Variants in TMPRSS4 observed in about 807,000 individuals in gnomAD.
The protein encoded by TMPRSS4 is transmembrane protease serine 4.
In TMPRSS4, 45 loss-of-function variants were observed where a neutral mutation model predicts 56.4. The ratio of observed to expected loss-of-function variants is 0.80; its 90% CI spans 0.63 to 1.02. The LOEUF (loss-of-function observed/expected upper bound fraction) is 1.02. Ranked by LOEUF, TMPRSS4 falls within the 50% of genes least tolerant of loss-of-function variation. The probability of loss-of-function intolerance (pLI) is 0.00; values close to 1 mark genes in which losing one functional copy is unlikely to be tolerated. For synonymous variants in TMPRSS4, 205 were observed against 211.0 expected, an observed-to-expected ratio of 0.97 and a Z score of 0.25; for missense variants, 546 against 556.7, an observed-to-expected ratio of 0.98 and a Z score of 0.19.
intron 11 of TMPRSS4, 127 bp downstream of exon 11, chr11:118,115,407 G>A: frequency 8.4e-7 from 1 of 1,186,480 alleles, no homozygotes; most frequent in Non-Finnish European, 1.2e-6. Flanking sequence ...GTGTGATGAT[G>A]GGAGGAAGAG....
At chr11:118,122,001 C>G (rs1947805567), downstream of TMPRSS4, 1 of 152,046 alleles carries the variant, frequency 6.6e-6, no homozygotes, top group Non-Finnish European at 1.5e-5. Flanking sequence ...AAAGAGTAAT[C>G]ACCAAAAGAA....
Position 118,121,261 on chromosome 11 carries a change from A to G in TMPRSS4, c.*3348A>G, listed in dbSNP as rs1463487781. 6.6e-6 allele frequency: 1 copy of G among 152,248 alleles called. No homozygotes were observed. The highest frequency in any genetic ancestry group is 1.5e-5 in the Non-Finnish European group (1 of 68,044). The allele number at this position is 152,248 out of a possible 1,614,324, so 9.4% of individuals were successfully genotyped here. The stretch of plus-strand genomic sequence containing the variant: ...CTTTAGGAAGAAGGAAAATGATCCT[A>G]AAAGGAAGAACCAAGAAGCAAGTAG... On this transcript the variant is annotated 3_prime_UTR_variant, in exon 13 of 13. Transcript: ENST00000437212.
chr11:118,099,746 C>T (rs1591382205), intron 3 of TMPRSS4, among the ~76,000 whole-genome samples: 3 of 152,154 alleles, frequency 2.0e-5, no homozygotes, highest in African/African-American at 4.8e-5. Context: ...AAGAACAGGG[C>T]GAGTTTCTGC....
chr11:118,114,019 A>G, intron 9 of TMPRSS4, among the ~76,000 whole-genome samples: 1 of 152,236 alleles, frequency 6.6e-6, no homozygotes, highest in East Asian at 1.9e-4. Flanking sequence ...TTCATACTAC[A>G]GCTCCCTTCT....
chr11:118,123,069 T>C (rs1316710735), downstream of TMPRSS4, among the ~76,000 whole-genome samples: 1 of 152,096 alleles, frequency 6.6e-6, no homozygotes, highest in Non-Finnish European at 1.5e-5. Context: ...GAGCAATAAA[T>C]TTCTGTTGTT....
chr11:118,117,460 G>A lies in TMPRSS4; in HGVS notation c.1302+6G>A. On this transcript the variant is annotated splice_donor_region_variant and intron_variant, in intron 12 of 12. Transcript: ENST00000437212. ...GGATCTACAATGTCTGGAAGGTAAG[G>A]TACCTTTGCCCTACCCACTGTGCCT... 6.2e-7 allele frequency: 1 copy of A among 1,610,236 alleles called. No individual in the cohort carries two copies. The highest frequency in any genetic ancestry group is 8.5e-7 in the Non-Finnish European group (1 of 1,177,586).
At chr11:118,077,871 G>C (rs1487688429) in intron 1 of TMPRSS4, among the ~76,000 whole-genome samples, 1 of 152,076 alleles carries the variant, frequency 6.6e-6, no homozygotes, top group African/African-American at 2.4e-5. Context: ...AAATTAGCCA[G>C]GCGTGGTGGC....
intron 4 of TMPRSS4, 113 bp from the exon 5 acceptor site, chr11:118,104,578 T>C: frequency 6.6e-7 from 1 of 1,517,208 alleles, no homozygotes; most frequent in East Asian, 2.3e-5. Flanking sequence ...TGGGGCTCTG[T>C]GGCACCCCCA....
rs1565422076 is a variant in TMPRSS4, at chr11:118,096,840, AAAG to A, written c.43+1989_43+1991del. 6.5e-3 allele frequency among the ~76,000 whole-genome samples: 115 copies of A among 17,770 alleles called. 33 individuals carry two copies. The highest frequency in any genetic ancestry group is 0.062 in the Middle Eastern group (5 of 80). The allele number at this position is 17,770 out of a possible 152,430, so 11.7% of individuals were successfully genotyped here. A position where few individuals can be genotyped will look rare whatever the true frequency, so the allele number is the denominator to read the frequency against. On this transcript the variant is annotated intron_variant, in intron 2 of 12. Transcript: ENST00000437212. ...GAAAGAAAGAGAGAAAGAAAGAAGG[AAAG>A]AAGGAAAGAAAGAAAGAAAGAAAGA...
chr11:118,105,183 G>T (rs935760905), intron 5 of TMPRSS4, among the ~76,000 whole-genome samples: 3 of 152,018 alleles, frequency 2.0e-5, no homozygotes, highest in Admixed American at 2.0e-4. Flanking sequence ...AACTGTTCCT[G>T]CCCAGTAATA....
At chr11:118,087,589 G>A (rs1014585778) in intron 1 of TMPRSS4, 5 of 151,094 alleles carry the variant, frequency 3.3e-5, no homozygotes, top group African/African-American at 1.2e-4. Flanking sequence ...CTCCAGGCTG[G>A]TGGCTTCTCT....
At chr11:118,107,524 T>G in intron 5 of TMPRSS4, 1 of 363,826 alleles carries the variant, frequency 2.7e-6, no homozygotes, top group Non-Finnish European at 5.0e-6. Flanking sequence ...TGGATTTGGA[T>G]TCCCCACCCA....
Position 118,115,046 on chromosome 11 carries a change from C to A in TMPRSS4, c.1010-92C>A, listed in dbSNP as rs1050209635. The A allele has an allele frequency of 3.2e-6, 5 of 1,554,734 alleles. No individual in the cohort carries two copies. In the Admixed American group the frequency reaches 5.8e-5, roughly 18 times the overall value. ...AAACCCATCCTGGAGGACCAAGCAC[C>A]AAGGCGCCAGGCAGAAAGCAAAGTG... On this transcript the variant is annotated intron_variant, in intron 10 of 12. Transcript: ENST00000437212.
chr11:118,107,729 C>T (rs199653420), intron 5 of TMPRSS4, 45 bp from the exon 6 acceptor site: 83 of 1,563,232 alleles, frequency 5.3e-5, no homozygotes, highest in African/African-American at 3.5e-4. Context: ...TTGTTCTAAC[C>T]CCCTGCCCCA....
rs1340113028 is a variant in TMPRSS4, at chr11:118,121,320, T to C, written c.*3407T>C. The C allele has an allele frequency of 6.6e-6, 1 of 150,830 alleles. No individual in the cohort carries two copies. Among genetic ancestry groups the C allele is most frequent in the Non-Finnish European group, 1.5e-5 (1 of 67,848 alleles). 9.3% of individuals were successfully genotyped at this position (150,830 alleles called of 1,614,324 possible). A position where few individuals can be genotyped will look rare whatever the true frequency, so the allele number is the denominator to read the frequency against. ...AGGCAATTGTGAAAATGTAGGTAAGTCTAAACACACTCTGTCTACTTCTTC... is the reference window on the plus strand; with the variant it reads ...AGGCAATTGTGAAAATGTAGGTAAGCCTAAACACACTCTGTCTACTTCTTC... On this transcript the variant is annotated 3_prime_UTR_variant, in exon 13 of 13. Transcript: ENST00000437212.
At chr11:118,115,977 C>T (rs934023986) in intron 11 of TMPRSS4, among the ~76,000 whole-genome samples, 7 of 152,218 alleles carry the variant, frequency 4.6e-5, no homozygotes, top group Admixed American at 1.3e-4. Flanking sequence ...AAAGAATTAC[C>T]GCCTGCAGAA....
At chr11:118,085,215 A>ATCT (rs199860003) in intron 1 of TMPRSS4, among the ~76,000 whole-genome samples, 10,110 of 125,020 alleles carry the variant, frequency 0.081, 497 homozygotes, top group Non-Finnish European at 0.12. Context: ...GAGGAGTCAG[A>ATCT]TCTTCTTCTT....
downstream of TMPRSS4, chr11:118,125,248 G>A (rs1372434476): frequency 2.2e-6 from 1 of 456,642 alleles, no homozygotes; most frequent in East Asian, 6.9e-5. Flanking sequence ...TGGAAGATGG[G>A]AGACAGGAAG....
chr11:118,082,027 G>A (rs902114885), intron 1 of TMPRSS4, among the ~76,000 whole-genome samples: 9 of 152,148 alleles, frequency 5.9e-5, no homozygotes, highest in African/African-American at 2.2e-4. Flanking sequence ...CATCACTCAC[G>A]ATCACATCTC....
Sources: allele counts gnomAD v4.1 joint callset (sites outside exome capture counted in the v4.1 genomes callset), GRCh38; gene constraint gnomAD v4.1.1; transcripts MANE v1.5; gene names NCBI Gene and HGNC (gene_info 2026-07-23, HGNC 2026-07-21).